USP37: variants seen among roughly 807,000 people sequenced by gnomAD.
USP37 encodes the protein ubiquitin carboxyl-terminal hydrolase 37.
Under a neutral mutation model 124.0 loss-of-function variants are expected in USP37, and 27 were observed. That is an observed-to-expected ratio of 0.22 (90% CI 0.16 to 0.30). The LOEUF is 0.30. Among genes scored for constraint, USP37 ranks in the 10% least tolerant of loss-of-function variants. The pLI is 1.00. For missense variants in USP37, 889 were observed against 1,140.4 expected, an observed-to-expected ratio of 0.78 and a Z score of 3.17; for synonymous variants, 365 against 388.0, an observed-to-expected ratio of 0.94 and a Z score of 0.70.
At chr2:218,526,066 A>G (rs1301555631) in intron 10 of USP37, among the ~76,000 whole-genome samples, 1 of 152,166 alleles carries the variant, frequency 6.6e-6, no homozygotes, top group Non-Finnish European at 1.5e-5. Context: ...TATATGTATC[A>G]CGTTCTTTAT....
chr2:218,552,847 G>T (rs1220063365), intron 5 of USP37, among the ~76,000 whole-genome samples: 1 of 152,070 alleles, frequency 6.6e-6, no homozygotes, highest in Non-Finnish European at 1.5e-5. Context: ...CCTCCTCCCT[G>T]GTGGAGGTTG....
chr2:218,455,891 C>T (rs1689673555), intron 24 of USP37, among the ~76,000 whole-genome samples, 173 bp from the exon 25 acceptor site: 1 of 151,882 alleles, frequency 6.6e-6, no homozygotes, highest in African/African-American at 2.4e-5. Context: ...ACTAAAAATA[C>T]AAAAATTAGC....
rs1206063613 is a variant in USP37 at position 218,467,891 on chromosome 2, G to GT, written c.2300-1716dup. 3.2e-3 allele frequency among the ~76,000 whole-genome samples: 445 copies of GT among 139,510 alleles called. 1 individual carries two copies. The highest frequency in any genetic ancestry group is 6.3e-3 in the Admixed American group (87 of 13,878). 91.5% of individuals were successfully genotyped at this position (139,510 alleles called of 152,430 possible). On this transcript the variant is annotated intron_variant, in intron 20 of 25. Transcript: ENST00000258399. ...AGCAATAACATTTCATGTTTTTTTTGTTTTTTTTTTTTTTAAGACTGAGTC... is the reference window on the plus strand; with the variant it reads ...AGCAATAACATTTCATGTTTTTTTTGTTTTTTTTTTTTTTTAAGACTGAGTC...
At chr2:218,455,910 G>C (rs1197107361) in intron 24 of USP37, among the ~76,000 whole-genome samples, 192 bp from the exon 25 acceptor site, 1 of 152,056 alleles carries the variant, frequency 6.6e-6, no homozygotes. Flanking sequence ...GCCAGGCATG[G>C]TGGCGTGCGC....
intron 22 of USP37, among the ~76,000 whole-genome samples, chr2:218,460,318 T>C (rs1047915220): frequency 1.3e-5 from 2 of 151,570 alleles, no homozygotes; most frequent in East Asian, 3.9e-4. Flanking sequence ...ATAAAATAGT[T>C]TGAGGTACAC....
chr2:218,516,900 A>C (rs1170200693), intron 10 of USP37, among the ~76,000 whole-genome samples: 1 of 152,208 alleles, frequency 6.6e-6, no homozygotes, highest in East Asian at 1.9e-4. Context: ...CCTTGAGTTC[A>C]TATTAACATC....
chr2:218,477,671 C>T (rs1011361244), intron 18 of USP37, among the ~76,000 whole-genome samples: 1 of 152,056 alleles, frequency 6.6e-6, no homozygotes, highest in African/African-American at 2.4e-5. Context: ...TAATTAAGAG[C>T]CTCTGAGGGC....
At chr2:218,558,110 A>AAGACACTAAT (rs1693125259) in intron 4 of USP37, among the ~76,000 whole-genome samples, 1 of 152,072 alleles carries the variant, frequency 6.6e-6, no homozygotes, top group African/African-American at 2.4e-5. Flanking sequence ...TGGCTTTTAG[A>AAGACACTAAT]AGACACTAAT....
intron 11 of USP37, among the ~76,000 whole-genome samples, chr2:218,500,077 T>C (rs1341168047): frequency 1.3e-5 from 2 of 151,922 alleles, no homozygotes; most frequent in African/African-American, 4.8e-5. Flanking sequence ...CCTGTTTTTT[T>C]CGTTTTTTCT....
chr2:218,560,526 T>TA (rs1389402569), intron 3 of USP37, among the ~76,000 whole-genome samples: 1 of 152,220 alleles, frequency 6.6e-6, no homozygotes, highest in Non-Finnish European at 1.5e-5. Context: ...TCCATGTCCA[T>TA]AATACCTCTT....
chr2:218,467,193 C>T (rs1304025292), intron 20 of USP37, among the ~76,000 whole-genome samples: 2 of 149,390 alleles, frequency 1.3e-5, no homozygotes, highest in African/African-American at 2.5e-5. Flanking sequence ...CCTTCCCCCT[C>T]CCCCTGCCCA....
intron 8 of USP37, among the ~76,000 whole-genome samples, chr2:218,543,537 G>C (rs1282643008): frequency 2.8e-5 from 4 of 142,496 alleles, no homozygotes; most frequent in Non-Finnish European, 6.0e-5. Flanking sequence ...AACAGGACAG[G>C]CGTGGTGGCT....
In USP37 at chr2:218,455,614, C is replaced by G; in HGVS notation, c.2818G>C (p.Asp940His). ...IQEAAVQSDR[D>H]RSGYIFFYMH... ...TAAAAGAAGATGTAGCCACTCCGAT[C>G]TCGATCACTCTGCACGGCAGCCTCT... Residue 940 changes from aspartate to histidine, a missense_variant, in exon 25 of 26, where the codon GAT becomes CAT. Around this residue, in one of 3 missense-constraint regions of USP37, gnomAD observed 504 missense variants for 714.3 expected, o/e 0.71. Coordinates refer to ENST00000258399, the MANE Select transcript of USP37 (RefSeq NM_020935.3). 1 of 1,614,024 alleles carries G rather than the reference C, an allele frequency of 6.2e-7. No individual in the cohort carries two copies. The highest frequency in any genetic ancestry group is 8.5e-7 in the Non-Finnish European group (1 of 1,179,996).
chr2:218,458,213 C>T (rs941872565), intron 23 of USP37, among the ~76,000 whole-genome samples: 9 of 143,224 alleles, frequency 6.3e-5, no homozygotes, highest in South Asian at 2.2e-4. Context: ...CAAGAGCACA[C>T]GCCACTGCAC....
At chr2:218,502,158 G>A (rs905717810) in intron 11 of USP37, among the ~76,000 whole-genome samples, 8 of 151,872 alleles carry the variant, frequency 5.3e-5, no homozygotes, top group Non-Finnish European at 8.8e-5. Flanking sequence ...ACTTAAACAG[G>A]AGACTCAAAA....
At chr2:218,514,987 G>A (rs886199086) in intron 10 of USP37, among the ~76,000 whole-genome samples, 4 of 151,860 alleles carry the variant, frequency 2.6e-5, no homozygotes, top group South Asian at 2.1e-4. Context: ...TGTGTCTTTC[G>A]GACATTTCCT....
At position 218,547,090 on chromosome 2, in the gene USP37, G is replaced by C. The variant is rs774634674; in HGVS notation, c.431C>G (p.Ala144Gly). The part of the protein sequence containing the change: ...SRQLSYSDNQ[A>G]SAKRGSLETK... ...TTCCAAACTTCCTCTTTTTGCAGAA[G>C]CCTGTAAAAATAAAGTTTGAGATAG... Residue 144 changes from alanine (A) to glycine (G), a missense_variant and splice_region_variant, in exon 7 of 26, where the codon GCT becomes GGT. Coordinates refer to ENST00000258399, the MANE Select transcript of USP37 (RefSeq NM_020935.3). 2 of 1,588,614 alleles carry C rather than the reference G, an allele frequency of 1.3e-6. No homozygotes were observed. Among genetic ancestry groups the C allele is most frequent in the South Asian group, 2.3e-5 (2 of 86,106 alleles).
chr2:218,499,037 G>A (rs1365465183), intron 11 of USP37, among the ~76,000 whole-genome samples: 2 of 152,136 alleles, frequency 1.3e-5, no homozygotes, highest in African/African-American at 2.4e-5. Context: ...CACTTTGGGA[G>A]GCCAAGGCGG....
chr2:218,499,881 G>A (rs778549686), intron 11 of USP37, among the ~76,000 whole-genome samples: 14 of 151,414 alleles, frequency 9.2e-5, no homozygotes, highest in East Asian at 1.9e-4. Flanking sequence ...TCCCGGGCTC[G>A]AGCAATCCTC....
Sources: gnomAD v4.1 joint callset for allele counts (sites outside exome capture counted in the v4.1 genomes callset) on GRCh38, gnomAD v4.1.1 for gene constraint, gnomAD v4.1.1 regional missense constraint, MANE v1.5 for transcripts, NCBI Gene and HGNC (gene_info 2026-07-23, HGNC 2026-07-21) for gene names.